Variants in CRHR2 observed in about 807,000 individuals in gnomAD.
The protein encoded by CRHR2 is corticotropin-releasing hormone receptor 2.
A neutral mutation model predicts 57.9 loss-of-function variants in CRHR2; 53 were observed. That is an observed-to-expected ratio of 0.92 (90% CI 0.73 to 1.15). The LOEUF is 1.15. Ranked by LOEUF, CRHR2 falls within the 50% of genes most tolerant of loss-of-function variation. The probability of loss-of-function intolerance (pLI) is 0.00; values close to 1 mark genes in which losing one functional copy is unlikely to be tolerated. For synonymous variants in CRHR2, 213 were observed against 220.9 expected (o/e 0.96, Z 0.32); for missense variants, 532 against 542.6 (o/e 0.98, Z 0.19).
chr7:30,682,157 G>A (rs1784736748), intron 1 of CRHR2, 21 bp downstream of exon 1: 46 of 1,547,428 alleles, frequency 3.0e-5, no homozygotes, highest in Non-Finnish European at 3.7e-5. Flanking sequence ...CGCAGCCTCC[G>A]ACCGCTCGCC....
chr7:30,689,096 C>CTG, intron 2 of CRHR2: 1 of 1,149,248 alleles, frequency 8.7e-7, no homozygotes, highest in Non-Finnish European at 1.3e-6. Flanking sequence ...CACCACCCTG[C>CTG]TGAGCCTGGG....
At chr7:30,694,261 G>T (rs1331728208) in intron 1 of CRHR2, among the ~76,000 whole-genome samples, 1 of 152,194 alleles carries the variant, frequency 6.6e-6, no homozygotes, top group Non-Finnish European at 1.5e-5. Flanking sequence ...TAGCCTGTGT[G>T]AGGGCCCAGG....
rs559851306 is a variant in CRHR2, at chr7:30,660,545, C to T, written c.831+28G>A. 6 of 1,552,408 alleles carry T rather than the reference C, an allele frequency of 3.9e-6. No individual in the cohort carries two copies. The East Asian group carries it at 1.2e-4, about 31-fold the overall frequency. On this transcript the variant is annotated intron_variant, in intron 8 of 11. Coordinates refer to ENST00000471646, the MANE Select transcript of CRHR2 (RefSeq NM_001883.5). ...CTCTTCTGTCCTCTTGGCACCCAGC[C>T]CCATCCCAGCCACCGCTGAGGGCTT...
chr7:30,681,793 C>T, intron 2 of CRHR2, 122 bp downstream of exon 2: 2 of 1,395,892 alleles, frequency 1.4e-6, no homozygotes, highest in South Asian at 1.6e-5. Context: ...TTAACGCCCG[C>T]GGTCCGCGGT....
At chr7:30,694,777 A>G (rs1457969961) in intron 1 of CRHR2, among the ~76,000 whole-genome samples, 1 of 151,158 alleles carries the variant, frequency 6.6e-6, no homozygotes, top group Admixed American at 6.6e-5. Context: ...GCAAGAGGAG[A>G]GGGAAGAGAA....
intron 2 of CRHR2, among the ~76,000 whole-genome samples, chr7:30,681,660 TC>T (rs961386911): frequency 9.2e-5 from 14 of 152,174 alleles, no homozygotes; most frequent in African/African-American, 3.4e-4. Context: ...TATTTCCTTC[TC>T]CCCTTTTTGG....
intron 2 of CRHR2, among the ~76,000 whole-genome samples, chr7:30,671,650 A>G (rs1461162635): frequency 6.6e-6 from 1 of 151,672 alleles, no homozygotes. Context: ...AAAAAAAAAA[A>G]AAAAAAAATA....
chr7:30,655,869 GA>G (rs1283496866), intron 9 of CRHR2, 57 bp downstream of exon 9: 1 of 1,602,004 alleles, frequency 6.2e-7, no homozygotes, highest in Non-Finnish European at 8.5e-7. Flanking sequence ...GAAGCAGGGG[GA>G]CGGCCCGATG....
intron 2 of CRHR2, among the ~76,000 whole-genome samples, chr7:30,679,176 C>T (rs2128147409): frequency 6.6e-6 from 1 of 152,324 alleles, no homozygotes; most frequent in South Asian, 2.1e-4. Flanking sequence ...TCCAACCTGT[C>T]CCCAGAAGTC....
At chr7:30,682,540 G>A (rs1342636816), upstream of CRHR2, 26 of 1,233,844 alleles carry the variant, frequency 2.1e-5, no homozygotes, top group South Asian at 5.6e-4. Flanking sequence ...GCGCCGGGGG[G>A]CGGGGCCGGG....
intron 8 of CRHR2, 35 bp downstream of exon 8, chr7:30,660,538 A>G: frequency 6.5e-7 from 1 of 1,549,880 alleles, no homozygotes; most frequent in Non-Finnish European, 8.7e-7. Flanking sequence ...TCCTCTTGGC[A>G]CCCAGCCCCA....
At chr7:30,681,184 C>G (rs1373598679) in intron 2 of CRHR2, among the ~76,000 whole-genome samples, 1 of 152,138 alleles carries the variant, frequency 6.6e-6, no homozygotes, top group Non-Finnish European at 1.5e-5. Flanking sequence ...TCCCCAGAGC[C>G]TCAAGCCAGT....
At chr7:30,689,529 C>T (rs1008802640) in intron 1 of CRHR2, among the ~76,000 whole-genome samples, 3 of 151,306 alleles carry the variant, frequency 2.0e-5, no homozygotes, top group Non-Finnish European at 4.4e-5. Flanking sequence ...TCTGTCCATC[C>T]CTCAGCCCCC....
At chr7:30,698,573 T>C (rs1584149971) in intron 1 of CRHR2, among the ~76,000 whole-genome samples, 2 of 152,268 alleles carry the variant, frequency 1.3e-5, no homozygotes, top group South Asian at 2.1e-4. Flanking sequence ...CCCATCCCAA[T>C]TGCAGTCTGC....
At chr7:30,682,567 G>A (rs560355340), upstream of CRHR2, 1 of 1,168,500 alleles carries the variant, frequency 8.6e-7, no homozygotes, top group African/African-American at 1.6e-5. Context: ...CTCTCGGAGG[G>A]GCTCAGTCTC....
At chr7:30,671,320 T>C (rs1224738119) in intron 2 of CRHR2, among the ~76,000 whole-genome samples, 1 of 152,182 alleles carries the variant, frequency 6.6e-6, no homozygotes, top group African/African-American at 2.4e-5. Flanking sequence ...TGGTTGGCAC[T>C]TCTATCTCTG....
At chr7:30,695,794 G>A (rs1198289734) in intron 1 of CRHR2, among the ~76,000 whole-genome samples, 1 of 152,222 alleles carries the variant, frequency 6.6e-6, no homozygotes, top group Non-Finnish European at 1.5e-5. Flanking sequence ...GGAATCTGGA[G>A]TCAGGCTGTG....
chr7:30,680,145 C>G (rs1039919550), intron 2 of CRHR2, among the ~76,000 whole-genome samples: 1 of 152,120 alleles, frequency 6.6e-6, no homozygotes, highest in Non-Finnish European at 1.5e-5. Flanking sequence ...CCTTGTCACC[C>G]CGCCCCCACA....
At position 30,682,008 on chromosome 7, in the gene CRHR2, G is replaced by A. The variant is rs1351179646; in HGVS notation, c.136C>T (p.Gln46Ter). ...PYSYCNTTLD[Q>*]IGTCWPRSAA... Reference sequence around the variant, plus strand: ...CTGCGGGGCCAGCACGTTCCGATCTGGTCCAAGGTCGTGTTGCAGTAGGAG... The same window carrying A: ...CTGCGGGGCCAGCACGTTCCGATCTAGTCCAAGGTCGTGTTGCAGTAGGAG... Residue 46 changes from glutamine to a stop codon, truncating the protein, a stop_gained, in exon 2 of 12, where the codon CAG (glutamine) becomes TAG (stop). Coordinates refer to ENST00000471646, the MANE Select transcript of CRHR2 (RefSeq NM_001883.5). LOFTEE classifies it high-confidence loss of function. The A allele has an allele frequency of 1.1e-5, 18 of 1,602,520 alleles. No individual in the cohort carries two copies. The highest frequency in any genetic ancestry group is 1.4e-5 in the Non-Finnish European group (17 of 1,175,094).
Sources: allele counts gnomAD v4.1 joint callset (sites outside exome capture counted in the v4.1 genomes callset), GRCh38; gene constraint gnomAD v4.1.1; transcripts MANE v1.5; gene names NCBI Gene and HGNC (gene_info 2026-07-23, HGNC 2026-07-21).